Variants in ZDHHC15 observed in about 807,000 individuals in gnomAD.
The protein encoded by ZDHHC15 is zDHHC palmitoyltransferase 15.
Under a neutral mutation model 31.7 loss-of-function variants are expected in ZDHHC15, and 19 were observed. The observed-to-expected ratio is 0.60, with a 90% confidence interval of 0.42 to 0.88. The LOEUF (loss-of-function observed/expected upper bound fraction) is 0.88, where lower values mean the gene tolerates loss of function less well. ZDHHC15 is among the 40% of genes least tolerant of loss of function. The pLI is 0.00. For synonymous variants in ZDHHC15, 103 were observed against 90.0 expected (o/e 1.14, Z -0.82); for missense variants, 209 against 251.2 (o/e 0.83, Z 1.14).
chrX:75,470,012 C>T (rs2084478964), intron 3 of ZDHHC15, among the ~76,000 whole-genome samples: 1 of 111,261 alleles, frequency 9.0e-6, no homozygotes, highest in African/African-American at 3.3e-5. Context: ...TTTTCATGTG[C>T]TTCTTTGTGA....
chrX:75,464,991 A>G (rs190349203), intron 3 of ZDHHC15, among the ~76,000 whole-genome samples: 2 of 112,158 alleles, frequency 1.8e-5, no homozygotes, highest in Admixed American at 1.9e-4. Flanking sequence ...AGGGCATTCA[A>G]ATAGGAATAA....
Position 75,429,948 on chromosome X carries a change from C to G in ZDHHC15, c.482G>C (p.Trp161Ser). ...AGAGAAATGAATCAAACAGACATAC[C>G]AAGGGCAGTGATGATCCATTTTTAA... ...CVLKMDHHCP[W>S]VNNCIGFSNY... is the part of the protein sequence containing the mutation. The change falls in exon 6 of 12, where the codon TGG becomes TCG. Residue 161 changes from tryptophan (W) to serine (S), a missense_variant and splice_region_variant. Trp to Ser is a radical substitution (Grantham distance 177). Transcript: ENST00000373367. 13 of 1,208,652 alleles carry G rather than the reference C, an allele frequency of 1.1e-5. No homozygotes were observed. Among genetic ancestry groups the G allele is most frequent in the Non-Finnish European group, 1.5e-5 (13 of 893,879 alleles).
intron 10 of ZDHHC15, among the ~76,000 whole-genome samples, chrX:75,410,060 ATC>A (rs1350860435): frequency 2.7e-5 from 3 of 111,290 alleles, no homozygotes; most frequent in Admixed American, 9.6e-5. Flanking sequence ...CTAGACCCAT[ATC>A]TCTCTCCGTA....
chrX:75,463,985 C>T lies in ZDHHC15; in HGVS notation c.259-13063G>A, dbSNP rs192566558. ...ATGCTGCTATAAAGACACACGCACG[C>T]GTATGTTTATTGCGGCACTATTCAC... On this transcript the variant is annotated intron_variant, in intron 3 of 11. Transcript: ENST00000373367. 3.5e-3 allele frequency among the ~76,000 whole-genome samples: 396 copies of T among 111,612 alleles called. 1 individual carries two copies. Among genetic ancestry groups the T allele is most frequent in the African/African-American group, 0.012 (377 of 30,717 alleles).
intron 10 of ZDHHC15, among the ~76,000 whole-genome samples, chrX:75,390,199 A>G (rs1290972405): frequency 1.8e-5 from 2 of 112,098 alleles, no homozygotes; most frequent in South Asian, 7.4e-4. Context: ...CCACATTGGA[A>G]CAGAGCACCA....
intron 3 of ZDHHC15, among the ~76,000 whole-genome samples, chrX:75,461,195 T>A (rs966190707): frequency 9.8e-5 from 11 of 111,689 alleles, no homozygotes; most frequent in African/African-American, 3.6e-4. Context: ...ATCTCAGAGC[T>A]TGAAGACTAT....
intron 2 of ZDHHC15, among the ~76,000 whole-genome samples, chrX:75,484,098 C>T (rs1005802959): frequency 8.9e-6 from 1 of 112,152 alleles, no homozygotes; most frequent in African/African-American, 3.2e-5. Context: ...TAAGAAGATG[C>T]ATCAATCTGC....
chrX:75,428,313 T>C (rs1207506148), intron 7 of ZDHHC15, among the ~76,000 whole-genome samples: 1 of 112,156 alleles, frequency 8.9e-6, no homozygotes, highest in Non-Finnish European at 1.9e-5. Context: ...TGTACACATA[T>C]GTAAATAAAA....
chrX:75,382,431 G>C (rs950871633), intron 10 of ZDHHC15, among the ~76,000 whole-genome samples: 5 of 111,817 alleles, frequency 4.5e-5, no homozygotes, highest in Non-Finnish European at 9.4e-5. Flanking sequence ...AAGTTACTTG[G>C]AAAATGTCTC....
intron 4 of ZDHHC15, among the ~76,000 whole-genome samples, chrX:75,432,366 C>T (rs1371866730): frequency 3.6e-5 from 4 of 111,613 alleles, no homozygotes; most frequent in South Asian, 3.7e-4. Flanking sequence ...ATCATTTCAT[C>T]TAAAGTGTAC....
At chrX:75,411,231 T>TG (rs1159477544) in intron 10 of ZDHHC15, among the ~76,000 whole-genome samples, 1 of 109,098 alleles carries the variant, frequency 9.2e-6, no homozygotes, top group Admixed American at 9.8e-5. Context: ...TTTTTTGAGA[T>TG]GGAGTCTGGC....
intron 11 of ZDHHC15, among the ~76,000 whole-genome samples, chrX:75,377,504 A>AAAT (rs372101688): frequency 5.7e-4 from 60 of 105,447 alleles, no homozygotes; most frequent in Non-Finnish European, 7.6e-4. Flanking sequence ...TCAAAAAAAA[A>AAAT]ATATATATAT....
chrX:75,463,646 C>T (rs1273373809), intron 3 of ZDHHC15, among the ~76,000 whole-genome samples: 1 of 111,172 alleles, frequency 9.0e-6, no homozygotes, highest in Non-Finnish European at 1.9e-5. Context: ...TGAACAGACA[C>T]TTCTCAAAAG....
intron 10 of ZDHHC15, among the ~76,000 whole-genome samples, chrX:75,407,836 C>A (rs1275328959): frequency 2.7e-5 from 3 of 112,364 alleles, no homozygotes; most frequent in Non-Finnish European, 5.6e-5. Context: ...AAGAAGTAGA[C>A]ATAGGAGACT....
At chrX:75,507,007 A>T (rs1199833754) in intron 1 of ZDHHC15, among the ~76,000 whole-genome samples, 2 of 111,194 alleles carry the variant, frequency 1.8e-5, no homozygotes, top group African/African-American at 6.5e-5. Context: ...GTGAGACGAG[A>T]CGTGTATACA....
At chrX:75,376,258 G>GTTTT (rs60979611) in intron 11 of ZDHHC15, among the ~76,000 whole-genome samples, 4 of 92,601 alleles carry the variant, frequency 4.3e-5, no homozygotes, top group Non-Finnish European at 6.3e-5. Flanking sequence ...TAATGGGGTT[G>GTTTT]TTTTTTTTTT....
At chrX:75,485,738 C>T (rs765831255) in intron 2 of ZDHHC15, among the ~76,000 whole-genome samples, 3 of 111,846 alleles carry the variant, frequency 2.7e-5, no homozygotes, top group Admixed American at 9.5e-5. Context: ...AAAATTAAAA[C>T]GTGATGTATA....
chrX:75,373,924 C>CTGTTTTTT (rs2083027577), intron 11 of ZDHHC15, among the ~76,000 whole-genome samples: 1 of 19,057 alleles, frequency 5.2e-5, no homozygotes, highest in Non-Finnish European at 1.6e-4. Flanking sequence ...TTCATTCTTT[C>CTGTTTTTT]TGTTTTTTTT....
intron 2 of ZDHHC15, among the ~76,000 whole-genome samples, chrX:75,499,592 C>T (rs1032885045): frequency 6.3e-5 from 7 of 111,110 alleles, no homozygotes; most frequent in Non-Finnish European, 1.3e-4. Flanking sequence ...CTTATTCCTG[C>T]AAGAATGGCC....
Sources: allele counts gnomAD v4.1 joint callset (sites outside exome capture counted in the v4.1 genomes callset), GRCh38; gene constraint gnomAD v4.1.1; transcripts MANE v1.5; gene names NCBI Gene and HGNC (gene_info 2026-07-23, HGNC 2026-07-21).